EVI5: variants seen among roughly 807,000 people sequenced by gnomAD.
The protein encoded by EVI5 is ecotropic viral integration site 5.
EVI5 carries 73 observed loss-of-function variants against 112.0 expected under a neutral mutation model. The observed-to-expected ratio is 0.65, with a 90% confidence interval of 0.54 to 0.79. The LOEUF (loss-of-function observed/expected upper bound fraction) is 0.79. Among genes scored for constraint, EVI5 ranks in the 30% least tolerant of loss-of-function variants. The pLI is 0.00. For missense variants in EVI5, 900 were observed against 968.8 expected (o/e 0.93, Z 0.94); for synonymous variants, 305 against 319.9 (o/e 0.95, Z 0.50).
intron 13 of EVI5, among the ~76,000 whole-genome samples, chr1:92,641,019 T>C (rs1434115767): frequency 2.6e-5 from 4 of 152,026 alleles, no homozygotes; most frequent in African/African-American, 4.8e-5. Context: ...AGCTGAGCAA[T>C]GAGAACACAT....
chr1:92,590,918 G>T (rs1033394365), intron 18 of EVI5, among the ~76,000 whole-genome samples: 25 of 152,220 alleles, frequency 1.6e-4, no homozygotes, highest in African/African-American at 5.8e-4. Flanking sequence ...TGATCTCTCA[G>T]CAGAAACTCT....
chr1:92,738,577 C>G (rs3790446), intron 1 of EVI5, among the ~76,000 whole-genome samples: 136,994 of 152,176 alleles, frequency 0.9, 61,783 homozygotes, highest in East Asian at 0.97. Flanking sequence ...ACTGTAGCAA[C>G]AGGCTTCGAT....
chr1:92,749,460 TCTA>T (rs924684322), intron 1 of EVI5: 1 of 154,424 alleles, frequency 6.5e-6, no homozygotes, highest in African/African-American at 2.4e-5. Context: ...TTCAGTTTCA[TCTA>T]CTATTTAATT....
At chr1:92,517,885 C>CTTTTTTTTT (rs35504849) in intron 19 of EVI5, among the ~76,000 whole-genome samples, 4 of 102,252 alleles carry the variant, frequency 3.9e-5, no homozygotes, top group African/African-American at 3.9e-5. Flanking sequence ...ATATTATATG[C>CTTTTTTTTT]TTTTTTTTTT....
chr1:92,624,689 C>CAAA (rs141559165), intron 15 of EVI5, among the ~76,000 whole-genome samples: 63 of 51,762 alleles, frequency 1.2e-3, no homozygotes, highest in Admixed American at 1.4e-3. Flanking sequence ...GTCTCTACTT[C>CAAA]AAAAAAAAAA....
intron 19 of EVI5, among the ~76,000 whole-genome samples, chr1:92,518,641 G>A (rs546095822): frequency 6.2e-4 from 74 of 118,484 alleles, no homozygotes; most frequent in Admixed American, 3.5e-3. Context: ...TCAGTTAAGA[G>A]AGAAGGGATG....
In EVI5 at chr1:92,740,288, T is replaced by G. The variant is rs183306633; in HGVS notation, c.-81-3661A>C. Among the ~76,000 whole-genome samples the G allele has an allele frequency of 9.7e-4, 147 of 152,254 alleles. 1 individual carries two copies. The Middle Eastern group carries it at 0.01, about 11-fold the overall frequency. Reference sequence around the variant, plus strand: ...GACAAGTAGCTTTTAACACAGAAGCTCAAACACTTTCAAGGGCTATTGAGG... The same window carrying G: ...GACAAGTAGCTTTTAACACAGAAGCGCAAACACTTTCAAGGGCTATTGAGG... On this transcript the variant is annotated intron_variant, in intron 1 of 19. Coordinates refer to ENST00000684568, the MANE Select transcript of EVI5 (RefSeq NM_001350197.2).
intron 1 of EVI5, among the ~76,000 whole-genome samples, chr1:92,777,015 G>A (rs1267651354): frequency 6.6e-6 from 1 of 152,034 alleles, no homozygotes; most frequent in Non-Finnish European, 1.5e-5. Context: ...TGTTAGCCAA[G>A]ATGGTCTCAA....
At chr1:92,648,748 G>A (rs543781475) in intron 13 of EVI5, among the ~76,000 whole-genome samples, 1 of 152,246 alleles carries the variant, frequency 6.6e-6, no homozygotes, top group African/African-American at 2.4e-5. Flanking sequence ...TCCATTGTGT[G>A]TATACGACAA....
chr1:92,761,191 A>C (rs1356758354), intron 1 of EVI5, among the ~76,000 whole-genome samples: 1 of 152,116 alleles, frequency 6.6e-6, no homozygotes, highest in African/African-American at 2.4e-5. Flanking sequence ...CTCAAGTTTC[A>C]TAGTAAGTTT....
At chr1:92,781,367 C>T (rs755372951) in intron 1 of EVI5, among the ~76,000 whole-genome samples, 1 of 151,848 alleles carries the variant, frequency 6.6e-6, no homozygotes, top group South Asian at 2.1e-4. Flanking sequence ...ATTAGCCAGG[C>T]ATGGTGGCAT....
intron 17 of EVI5, among the ~76,000 whole-genome samples, chr1:92,605,752 A>G (rs1650242528): frequency 6.6e-6 from 1 of 152,234 alleles, no homozygotes; most frequent in Non-Finnish European, 1.5e-5. Flanking sequence ...AAGTGAGAAC[A>G]TTCAAATTAA....
At chr1:92,750,151 A>C (rs1253117583) in intron 1 of EVI5, among the ~76,000 whole-genome samples, 1 of 152,220 alleles carries the variant, frequency 6.6e-6, no homozygotes, top group African/African-American at 2.4e-5. Flanking sequence ...AAATTTTTGA[A>C]GTATCCAAGT....
intron 14 of EVI5, among the ~76,000 whole-genome samples, chr1:92,627,484 T>G (rs1655942698): frequency 6.6e-6 from 1 of 152,238 alleles, no homozygotes; most frequent in South Asian, 2.1e-4. Context: ...TAAACATGCG[T>G]GTGCAAGTAT....
chr1:92,510,788 A>C lies in EVI5; in HGVS notation c.*2868T>G, dbSNP rs1027509096. The C allele has an allele frequency of 3.3e-5, 5 of 152,264 alleles. No individual in the cohort carries two copies. The allele number at this position is 152,264 out of a possible 1,614,324, so 9.4% of individuals were successfully genotyped here. A position where few individuals can be genotyped will look rare whatever the true frequency, so the allele number is the denominator to read the frequency against. ...GAATTTCATATAATTTTCATGTGAC[A>C]CAAAATATCAGTCTTTGGAATTTTT... On this transcript the variant is annotated 3_prime_UTR_variant, in exon 20 of 20. Transcript: ENST00000684568.
chr1:92,552,700 C>T (rs1557771018), intron 19 of EVI5, among the ~76,000 whole-genome samples: 1 of 152,200 alleles, frequency 6.6e-6, no homozygotes, highest in Admixed American at 6.5e-5. Context: ...GTTGGCTGCG[C>T]ACTCGAATTT....
chr1:92,653,447 G>A (rs543776508), intron 13 of EVI5, among the ~76,000 whole-genome samples: 107 of 152,340 alleles, frequency 7.0e-4, no homozygotes, highest in African/African-American at 2.4e-3. Flanking sequence ...TGTGGGCACT[G>A]TGCTTGGCTC....
intron 1 of EVI5, among the ~76,000 whole-genome samples, chr1:92,741,684 G>A (rs1678430851): frequency 6.6e-6 from 1 of 152,044 alleles, no homozygotes. Context: ...TGACAACTCA[G>A]TATTTTATTT....
At chr1:92,695,974 A>AGGC (rs1159448051) in intron 6 of EVI5, among the ~76,000 whole-genome samples, 1 of 151,108 alleles carries the variant, frequency 6.6e-6, no homozygotes, top group Non-Finnish European at 1.5e-5. Context: ...TCTGTCACCC[A>AGGC]GGCTAGGGTA....
Sources: allele counts gnomAD v4.1 joint callset (sites outside exome capture counted in the v4.1 genomes callset), GRCh38; gene constraint gnomAD v4.1.1; transcripts MANE v1.5; gene names NCBI Gene and HGNC (gene_info 2026-07-23, HGNC 2026-07-21).